Variants in ZFYVE1 observed in about 807,000 individuals in gnomAD.
ZFYVE1 encodes the protein zinc finger FYVE domain-containing protein 1.
In ZFYVE1, 30 loss-of-function variants were observed where a neutral mutation model predicts 74.4. That is an observed-to-expected ratio of 0.40 (90% confidence interval 0.30 to 0.55). ZFYVE1 has a LOEUF of 0.55. ZFYVE1 is among the 20% of genes least tolerant of loss of function. The probability of loss-of-function intolerance (pLI) is 0.42; values close to 1 mark genes in which losing one functional copy is unlikely to be tolerated. For synonymous variants in ZFYVE1, 335 were observed against 385.1 expected (o/e 0.87, Z 1.52); for missense variants, 703 against 1,011.6 (o/e 0.69, Z 4.14).
intron 2 of ZFYVE1, among the ~76,000 whole-genome samples, chr14:73,002,591 C>T (rs1290964963): frequency 6.6e-6 from 1 of 151,772 alleles, no homozygotes; most frequent in African/African-American, 2.4e-5. Context: ...TACAGGCATG[C>T]GCTGTCATGC....
intron 2 of ZFYVE1, among the ~76,000 whole-genome samples, chr14:73,017,351 A>G (rs560420046): frequency 6.6e-6 from 1 of 152,292 alleles, no homozygotes; most frequent in East Asian, 1.9e-4. Flanking sequence ...CCTGGCCTCT[A>G]TGCACTATCC....
chr14:72,993,219 C>G lies in ZFYVE1; in HGVS notation c.1127G>C (p.Arg376Pro), dbSNP rs756351188. The G allele has an allele frequency of 6.2e-7, 1 of 1,613,704 alleles. No individual in the cohort carries two copies. The highest frequency in any genetic ancestry group is 1.7e-5 in the Admixed American group (1 of 59,958). ...NPPTDFSGLR[R>P]ALEQLLENNT... ...ATTCTCTAGTAGCTGCTCCAAAGCACGCCGAAGCCCAGAAAAGTCCGTGGG... is the reference window on the plus strand; with the variant it reads ...ATTCTCTAGTAGCTGCTCCAAAGCAGGCCGAAGCCCAGAAAAGTCCGTGGG... Residue 376 changes from arginine (R) to proline (P), a missense_variant, in exon 4 of 12, where the codon CGT becomes CCT. Arg to Pro is a moderately radical substitution (Grantham distance 103). Transcript: ENST00000556143.
At chr14:73,025,413 T>C (rs1233270238) in intron 1 of ZFYVE1, among the ~76,000 whole-genome samples, 1 of 151,626 alleles carries the variant, frequency 6.6e-6, no homozygotes, top group Non-Finnish European at 1.5e-5. Flanking sequence ...GCTTGTTGTA[T>C]AGCCAGGCGC....
chr14:72,972,446 G>C (rs945017641), intron 11 of ZFYVE1, among the ~76,000 whole-genome samples: 11 of 152,208 alleles, frequency 7.2e-5, no homozygotes, highest in Non-Finnish European at 1.5e-5. Flanking sequence ...GGGGACAGAT[G>C]CAACCTGAGA....
chr14:72,997,083 TCTA>T (rs1180483476), intron 3 of ZFYVE1, among the ~76,000 whole-genome samples: 1 of 152,176 alleles, frequency 6.6e-6, no homozygotes, highest in African/African-American at 2.4e-5. Flanking sequence ...GTCCATATTG[TCTA>T]CTTTCTTTCC....
chr14:72,975,202 C>A lies in ZFYVE1; in HGVS notation c.1807-243G>T. On this transcript the variant is annotated intron_variant, in intron 9 of 11. Transcript: ENST00000556143. This position sits in a 1 kb window ranked among gnomAD's most constrained non-coding sequence, Gnocchi z 4.1. ...TGCTCTCTTGCTCTGGGTGCTGTAG[C>A]GTTAATGGATCAAGCTGAGGATGAC... is the stretch of plus-strand genomic sequence containing the variant. 1.9e-6 allele frequency: 1 copy of A among 528,400 alleles called. No homozygotes were observed. The highest frequency in any genetic ancestry group is 3.3e-6 in the Non-Finnish European group (1 of 303,922). The allele number at this position is 528,400 out of a possible 1,614,324, so 32.7% of individuals were successfully genotyped here. A position where few individuals can be genotyped will look rare whatever the true frequency, so the allele number is the denominator to read the frequency against.
chr14:73,013,171 C>T (rs532029606), intron 2 of ZFYVE1, among the ~76,000 whole-genome samples: 1 of 152,140 alleles, frequency 6.6e-6, no homozygotes, highest in South Asian at 2.1e-4. Flanking sequence ...GTCCAATTAT[C>T]CTCCAGTGAA....
intron 2 of ZFYVE1, among the ~76,000 whole-genome samples, chr14:73,019,855 G>A (rs758836975): frequency 2.0e-5 from 3 of 152,072 alleles, no homozygotes; most frequent in South Asian, 2.1e-4. Flanking sequence ...GGAGGCTGAC[G>A]CAGGAGAATC....
Position 72,975,440 on chromosome 14 carries a change from C to T in ZFYVE1, c.1806+111G>A. 2.1e-6 allele frequency: 3 copies of T among 1,398,028 alleles called. No individual in the cohort carries two copies. Among genetic ancestry groups the T allele is most frequent in the Non-Finnish European group, 2.9e-6 (3 of 1,036,782 alleles). The allele number at this position is 1,398,028 out of a possible 1,614,324, so 86.6% of individuals were successfully genotyped here. A position where few individuals can be genotyped will look rare whatever the true frequency, so the allele number is the denominator to read the frequency against. ...GCCGGTACTCACAGAGCTCACTGCA[C>T]TGGCAGAAAATGTTTGCGTCTCCCT... On this transcript the variant is annotated intron_variant, in intron 9 of 11. Transcript: ENST00000556143. The surrounding 1 kb of genome is among the most constrained non-coding windows in gnomAD (Gnocchi z 4.1).
chr14:73,022,903 C>T (rs1894346932), intron 2 of ZFYVE1, among the ~76,000 whole-genome samples: 1 of 151,976 alleles, frequency 6.6e-6, no homozygotes, highest in African/African-American at 2.4e-5. Context: ...CCAATCGCGC[C>T]TGTAATCCCA....
chr14:72,971,070 G>A lies in ZFYVE1; in HGVS notation c.2146C>T (p.His716Tyr), dbSNP rs1434952498. The change falls in exon 12 of 12, where the codon CAC becomes TAC. Residue 716 changes from histidine (H) to tyrosine (Y), a missense_variant. By Grantham distance (83) the His-to-Tyr change is moderately conservative (BLOSUM62 2). Coordinates refer to ENST00000556143, the MANE Select transcript of ZFYVE1 (RefSeq NM_021260.4). The part of the protein sequence containing the change: ...AARPAYWVPD[H>Y]EILHCHNCRK... ...CAGTTGTGGCAGTGGAGGATTTCGT[G>A]GTCAGGCACCCAGTACGCAGGCCTG... 22 of 1,614,032 alleles carry A rather than the reference G, an allele frequency of 1.4e-5. No homozygotes were observed. Among genetic ancestry groups the A allele is most frequent in the Non-Finnish European group, 1.7e-5 (20 of 1,180,034 alleles).
chr14:72,994,611 T>C lies in ZFYVE1; in HGVS notation c.989-1254A>G, dbSNP rs117286388. ...GTCTTTTTTCCCAAAAACCCATTCA[T>C]TGGAAAAATCTAGATATGCCAAAGC... On this transcript the variant is annotated intron_variant, in intron 3 of 11. Transcript: ENST00000556143. Among the ~76,000 whole-genome samples, 711 of 152,254 alleles carry C rather than the reference T, an allele frequency of 4.7e-3. 3 individuals are homozygous for C. The highest frequency in any genetic ancestry group is 0.017 in the Middle Eastern group (5 of 294).
At chr14:73,014,673 A>G (rs554842107) in intron 2 of ZFYVE1, among the ~76,000 whole-genome samples, 15 of 152,226 alleles carry the variant, frequency 9.9e-5, no homozygotes, top group Non-Finnish European at 1.6e-4. Flanking sequence ...GGCCATTGGA[A>G]GAGAAAAATG....
intron 4 of ZFYVE1, among the ~76,000 whole-genome samples, chr14:72,987,760 G>A (rs1269166597): frequency 1.3e-5 from 2 of 152,188 alleles, no homozygotes; most frequent in Admixed American, 6.5e-5. Context: ...GCAGGTATGC[G>A]CTGCTTGTAG....
At chr14:72,995,240 GCC>G (rs1893715926) in intron 3 of ZFYVE1, among the ~76,000 whole-genome samples, 2 of 152,012 alleles carry the variant, frequency 1.3e-5, no homozygotes, top group Non-Finnish European at 2.9e-5. Flanking sequence ...GATTACAGGT[GCC>G]CACCACCATA....
intron 2 of ZFYVE1, among the ~76,000 whole-genome samples, chr14:72,999,388 T>C (rs1405604682): frequency 2.0e-5 from 3 of 151,698 alleles, no homozygotes; most frequent in Non-Finnish European, 2.9e-5. Context: ...GATCGCACCA[T>C]TGCACTCCAG....
intron 2 of ZFYVE1, among the ~76,000 whole-genome samples, chr14:72,998,999 G>C: frequency 6.6e-6 from 1 of 152,022 alleles, no homozygotes; most frequent in Non-Finnish European, 1.5e-5. Flanking sequence ...AGAAAAAATA[G>C]ATAAATTAGA....
intron 8 of ZFYVE1, among the ~76,000 whole-genome samples, chr14:72,976,424 C>T (rs1256369601): frequency 2.6e-5 from 4 of 152,048 alleles, no homozygotes; most frequent in African/African-American, 4.8e-5. Context: ...GAGGTGGGCT[C>T]CCATAATGAG....
chr14:73,026,654 G>A (rs897339146), intron 1 of ZFYVE1, among the ~76,000 whole-genome samples: 3 of 151,768 alleles, frequency 2.0e-5, no homozygotes, highest in East Asian at 3.9e-4. Context: ...CTCCCCAGCC[G>A]GGGGTTCCTC....
Sources: allele counts gnomAD v4.1 joint callset (sites outside exome capture counted in the v4.1 genomes callset), GRCh38; gene constraint gnomAD v4.1.1; non-coding constraint Gnocchi (gnomAD v3.1); transcripts MANE v1.5; gene names NCBI Gene and HGNC (gene_info 2026-07-23, HGNC 2026-07-21).